The following TBC1D9 variants were observed in gnomAD, a reference collection of about 807,000 sequenced individuals.
The protein encoded by TBC1D9 is TBC1 domain family member 9, also known as TBC1 domain family member 9A.
Under a neutral mutation model 132.0 loss-of-function variants are expected in TBC1D9, and 63 were observed. That is an observed-to-expected ratio of 0.48 (90% CI 0.39 to 0.59). The LOEUF is 0.59. TBC1D9 is among the 20% of genes least tolerant of loss of function. The pLI is 0.00. For synonymous variants in TBC1D9, 610 were observed against 609.9 expected (o/e 1.00, Z 0.00); for missense variants, 1,261 against 1,592.7 (o/e 0.79, Z 3.54).
At chr4:140,753,664 C>T (rs1467856469) in intron 1 of TBC1D9, among the ~76,000 whole-genome samples, 1 of 152,184 alleles carries the variant, frequency 6.6e-6, no homozygotes, top group African/African-American at 2.4e-5. Context: ...CATCTCTCTT[C>T]ATTTGGATTC....
At chr4:140,653,226 A>C (rs1737213660) in intron 13 of TBC1D9, among the ~76,000 whole-genome samples, 1 of 152,236 alleles carries the variant, frequency 6.6e-6, no homozygotes, top group Non-Finnish European at 1.5e-5. Context: ...AATTTCTAGC[A>C]ACCTAGGGAG....
rs550982483 is a variant in TBC1D9, at chr4:140,626,624, T to C, written c.2899+817A>G. Among the ~76,000 whole-genome samples the C allele has an allele frequency of 3.9e-5, 6 of 152,302 alleles. No homozygotes were observed. In the East Asian group the frequency reaches 9.6e-4, roughly 24 times the overall value. On this transcript the variant is annotated intron_variant, in intron 18 of 20. Coordinates refer to ENST00000442267, the MANE Select transcript of TBC1D9 (RefSeq NM_015130.3). ...TGAATTAGAAGGTAACTTACTGCAG[T>C]AGCAAGCCAAAAGACAATGCTAGAT...
At chr4:140,643,853 A>G in intron 13 of TBC1D9, 1 of 722,912 alleles carries the variant, frequency 1.4e-6, no homozygotes, top group Non-Finnish European at 2.5e-6. Context: ...ATCCGCCTGC[A>G]GGGCTCGGGG....
intron 1 of TBC1D9, among the ~76,000 whole-genome samples, chr4:140,750,532 A>C (rs1315050475): frequency 6.6e-6 from 1 of 152,086 alleles, no homozygotes; most frequent in East Asian, 1.9e-4. Context: ...AAAAAGACAT[A>C]ATATACAACA....
chr4:140,717,299 G>C (rs1015479811), intron 1 of TBC1D9, among the ~76,000 whole-genome samples: 1 of 152,202 alleles, frequency 6.6e-6, no homozygotes, highest in Non-Finnish European at 1.5e-5. Context: ...AGGAAAGAGA[G>C]AGGGAGAGGG....
chr4:140,728,748 T>C (rs1738538111), intron 1 of TBC1D9, among the ~76,000 whole-genome samples: 2 of 152,146 alleles, frequency 1.3e-5, no homozygotes, highest in African/African-American at 4.8e-5. Flanking sequence ...CAGCAACCTC[T>C]GCCTCTCGGG....
intron 1 of TBC1D9, among the ~76,000 whole-genome samples, chr4:140,723,349 T>C (rs576046655): frequency 6.6e-6 from 1 of 152,286 alleles, no homozygotes; most frequent in African/African-American, 2.4e-5. Context: ...ATTTTTTTTG[T>C]TCTTGAGACA....
chr4:140,668,829 C>G, intron 9 of TBC1D9, 88 bp downstream of exon 9: 3 of 1,408,378 alleles, frequency 2.1e-6, no homozygotes, highest in Non-Finnish European at 2.9e-6. Flanking sequence ...TTTGAAAGAA[C>G]CCCTGAGGCA....
At chr4:140,745,048 T>C (rs1056005527) in intron 1 of TBC1D9, among the ~76,000 whole-genome samples, 2 of 152,126 alleles carry the variant, frequency 1.3e-5, no homozygotes, top group Non-Finnish European at 2.9e-5. Flanking sequence ...AGAAAATCTT[T>C]CAATCCACCT....
chr4:140,718,650 C>T (rs1738376470), intron 1 of TBC1D9, among the ~76,000 whole-genome samples: 1 of 152,162 alleles, frequency 6.6e-6, no homozygotes, highest in African/African-American at 2.4e-5. Flanking sequence ...AAAAACTAAG[C>T]TCATTTAACT....
In TBC1D9 at chr4:140,668,957, G is replaced by C; in HGVS notation, c.1548C>G (p.Ile516Met). 1 of 1,613,930 alleles carries C rather than the reference G, an allele frequency of 6.2e-7. No homozygotes were observed. The highest frequency in any genetic ancestry group is 1.7e-5 in the Admixed American group (1 of 60,022). ...AGAGCTCCCCACGCATGCTCTCCGGGATGCCCTTCAACACCAGCTCCCGCG... is the reference window on the plus strand; with the variant it reads ...AGAGCTCCCCACGCATGCTCTCCGGCATGCCCTTCAACACCAGCTCCCGCG... ...EKTRELVLKG[I>M]PESMRGELWL... The change falls in exon 9 of 21, where the codon ATC becomes ATG. Residue 516 changes from isoleucine to methionine, a missense_variant. By Grantham distance (10) the Ile-to-Met change is conservative. Transcript: ENST00000442267.
intron 1 of TBC1D9, among the ~76,000 whole-genome samples, chr4:140,727,544 A>G (rs1341896099): frequency 2.0e-5 from 3 of 152,242 alleles, no homozygotes; most frequent in Admixed American, 2.0e-4. Flanking sequence ...TAAAGGGCAC[A>G]TATATTACAG....
chr4:140,624,445 AT>A (rs11307080), intron 18 of TBC1D9, 57 bp from the exon 19 acceptor site: 97,442 of 1,489,376 alleles, frequency 0.065, 3,749 homozygotes, highest in South Asian at 0.14. Flanking sequence ...TGACCATGGA[AT>A]TAGCATTTGT....
chr4:140,630,164 T>C (rs1440130841), intron 16 of TBC1D9, among the ~76,000 whole-genome samples: 3 of 152,218 alleles, frequency 2.0e-5, no homozygotes, highest in Non-Finnish European at 4.4e-5. Context: ...TTTATCCTTA[T>C]CAATTTTTTT....
At chr4:140,683,114 G>A (rs1387381559) in intron 3 of TBC1D9, among the ~76,000 whole-genome samples, 2 of 152,114 alleles carry the variant, frequency 1.3e-5, no homozygotes, top group East Asian at 1.9e-4. Context: ...CTGACCTCAG[G>A]TGATCTGCCT....
intron 7 of TBC1D9, 44 bp downstream of exon 7, chr4:140,670,676 G>T: frequency 1.3e-6 from 2 of 1,557,690 alleles, no homozygotes; most frequent in Non-Finnish European, 1.8e-6. Flanking sequence ...CTTGGGCACA[G>T]GAACAGGATA....
At chr4:140,754,001 A>G (rs942449256) in intron 1 of TBC1D9, among the ~76,000 whole-genome samples, 4 of 152,218 alleles carry the variant, frequency 2.6e-5, no homozygotes, top group African/African-American at 9.6e-5. Context: ...GATTTCAATT[A>G]TTCCATTAAT....
intron 13 of TBC1D9, 144 bp downstream of exon 13, chr4:140,656,953 G>T: frequency 9.8e-7 from 1 of 1,016,738 alleles, no homozygotes; most frequent in Non-Finnish European, 1.4e-6. Flanking sequence ...GCCTTGATTT[G>T]GGGCGTCCCA....
intron 2 of TBC1D9, among the ~76,000 whole-genome samples, chr4:140,691,446 C>T (rs1445271243): frequency 6.6e-6 from 1 of 152,072 alleles, no homozygotes; most frequent in Non-Finnish European, 1.5e-5. Flanking sequence ...TTGTCATGAC[C>T]CTGACAAGGA....
Sources: allele counts gnomAD v4.1 joint callset (sites outside exome capture counted in the v4.1 genomes callset), GRCh38; gene constraint gnomAD v4.1.1; transcripts MANE v1.5; gene names NCBI Gene and HGNC (gene_info 2026-07-23, HGNC 2026-07-21).